TSHZ2: variants seen among roughly 807,000 people sequenced by gnomAD.
TSHZ2 encodes the protein teashirt homolog 2.
In TSHZ2, 21 loss-of-function variants were observed where a neutral mutation model predicts 74.4. The ratio of observed to expected loss-of-function variants is 0.28; its 90% CI spans 0.20 to 0.41. The LOEUF (loss-of-function observed/expected upper bound fraction) is 0.41. Ranked by LOEUF, TSHZ2 falls within the 10% of genes least tolerant of loss-of-function variation. TSHZ2 has a pLI of 1.00. For synonymous variants in TSHZ2, 540 were observed against 515.3 expected, an observed-to-expected ratio of 1.05 and a Z score of -0.65; for missense variants, 1,244 against 1,293.5, an observed-to-expected ratio of 0.96 and a Z score of 0.59.
chr20:53,284,233 G>T (rs1309591778), intron 2 of TSHZ2, among the ~76,000 whole-genome samples: 1 of 152,124 alleles, frequency 6.6e-6, no homozygotes, highest in Non-Finnish European at 1.5e-5. Flanking sequence ...TCTTAGTTAC[G>T]CACGCCCATC....
chr20:53,008,833 C>T (rs907325894), intron 1 of TSHZ2, among the ~76,000 whole-genome samples: 4 of 152,066 alleles, frequency 2.6e-5, no homozygotes, highest in Non-Finnish European at 2.9e-5. Flanking sequence ...CATACCAAGT[C>T]TTATACATAT....
intron 2 of TSHZ2, among the ~76,000 whole-genome samples, chr20:53,451,377 G>A (rs1319150731): frequency 6.6e-6 from 1 of 152,158 alleles, no homozygotes; most frequent in African/African-American, 2.4e-5. Context: ...CTGGACTAAA[G>A]CAATAATTAT....
chr20:53,141,588 T>C (rs1170921006), intron 1 of TSHZ2, among the ~76,000 whole-genome samples: 1 of 152,224 alleles, frequency 6.6e-6, no homozygotes, highest in Non-Finnish European at 1.5e-5. Context: ...GACAGTTTCA[T>C]ATTTAACTGT....
chr20:53,446,639 C>T (rs1029587669), intron 2 of TSHZ2, among the ~76,000 whole-genome samples: 14 of 151,712 alleles, frequency 9.2e-5, no homozygotes, highest in Admixed American at 3.9e-4. Flanking sequence ...CTCTTCTCTA[C>T]TTCCTCCTTT....
chr20:53,321,697 A>AAAGAAAG lies in TSHZ2; in HGVS notation c.*8+65128_*8+65129insGAAAGAA, dbSNP rs1045781417. Among the ~76,000 whole-genome samples, 92 of 140,550 alleles carry AAAGAAAG rather than the reference A, an allele frequency of 6.5e-4. 1 individual carries two copies. Among genetic ancestry groups the AAAGAAAG allele is most frequent in the Admixed American group, 3.4e-3 (45 of 13,430 alleles). 92.2% of individuals were successfully genotyped at this position (140,550 alleles called of 152,430 possible). ...AGACTCCATCTCAAAAAAAAAAAAAAAAAGAAAGACATTCCTAAGCCAGCA... is the reference window on the plus strand; with the variant it reads ...AGACTCCATCTCAAAAAAAAAAAAAAAAGAAAGAAAGAAAGACATTCCTAAGCCAGCA... On this transcript the variant is annotated intron_variant, in intron 2 of 2. Transcript: ENST00000371497.
chr20:53,053,832 T>C (rs2123141802), intron 1 of TSHZ2, among the ~76,000 whole-genome samples: 1 of 152,314 alleles, frequency 6.6e-6, no homozygotes, highest in South Asian at 2.1e-4. Flanking sequence ...AGTGGCAAGT[T>C]TATCACTCCA....
chr20:52,996,354 A>ATTTATTTATTT (rs1568710882), intron 1 of TSHZ2, among the ~76,000 whole-genome samples: 1 of 130,268 alleles, frequency 7.7e-6, no homozygotes, highest in East Asian at 2.6e-4. Flanking sequence ...TTTATTTATT[A>ATTTATTTATTT]GGCAAAATGG....
chr20:53,058,242 CTGGTAT>C (rs1568740013), intron 1 of TSHZ2, among the ~76,000 whole-genome samples: 1 of 152,150 alleles, frequency 6.6e-6, no homozygotes, highest in African/African-American at 2.4e-5. Context: ...CAGTCTCGTA[CTGGTAT>C]GGGTCTGTAG....
At chr20:53,133,148 G>A (rs1049029501) in intron 1 of TSHZ2, among the ~76,000 whole-genome samples, 1 of 152,082 alleles carries the variant, frequency 6.6e-6, no homozygotes, top group African/African-American at 2.4e-5. Flanking sequence ...TCTTTGACAC[G>A]TTAGACTCCA....
At chr20:53,036,375 T>C (rs1380606401) in intron 1 of TSHZ2, among the ~76,000 whole-genome samples, 1 of 152,078 alleles carries the variant, frequency 6.6e-6, no homozygotes, top group South Asian at 2.1e-4. Flanking sequence ...ATTATTCATA[T>C]TATAACAGGA....
intron 2 of TSHZ2, among the ~76,000 whole-genome samples, chr20:53,406,700 T>A (rs534022606): frequency 3.1e-4 from 47 of 152,182 alleles, no homozygotes; most frequent in African/African-American, 1.1e-3. Flanking sequence ...AGGCAACATC[T>A]TCTTCTTATG....
chr20:52,977,440 ACACACAC>A (rs1291895737), intron 1 of TSHZ2, among the ~76,000 whole-genome samples: 8 of 133,878 alleles, frequency 6.0e-5, no homozygotes, highest in African/African-American at 2.1e-4. Context: ...ACACACACAC[ACACACAC>A]ACACACACAC....
rs143423768 is a variant in TSHZ2, at chr20:53,022,462, C to T, written c.40+49129C>T. Among the ~76,000 whole-genome samples the T allele has an allele frequency of 1.7e-3, 266 of 152,230 alleles. 1 individual carries two copies. Among genetic ancestry groups the T allele is most frequent in the African/African-American group, 5.9e-3 (245 of 41,538 alleles). On this transcript the variant is annotated intron_variant, in intron 1 of 2. Coordinates refer to ENST00000371497, the MANE Select transcript of TSHZ2 (RefSeq NM_173485.6). ...TCTATCAATATTTGATCAAATTGGG[C>T]CAAAGTTTCAAACTGCCCTTAAATT...
chr20:53,389,729 G>A (rs1218238308), intron 2 of TSHZ2, among the ~76,000 whole-genome samples: 1 of 152,188 alleles, frequency 6.6e-6, no homozygotes, highest in African/African-American at 2.4e-5. Context: ...TGGCCCCCAG[G>A]GGACATTTGG....
intron 1 of TSHZ2, among the ~76,000 whole-genome samples, chr20:53,218,056 G>C (rs1989475460): frequency 6.6e-6 from 1 of 152,210 alleles, no homozygotes; most frequent in Non-Finnish European, 1.5e-5. Flanking sequence ...GAGTGAGAAA[G>C]CCGAGGCTCC....
intron 2 of TSHZ2, among the ~76,000 whole-genome samples, chr20:53,323,517 A>G (rs2145528402): frequency 8.0e-6 from 1 of 125,610 alleles, no homozygotes; most frequent in East Asian, 2.6e-4. Context: ...AGTTCTAAGG[A>G]TTCTTTCTTC....
At position 53,387,277 on chromosome 20, in the gene TSHZ2, A is replaced by G. The variant is rs6097387; in HGVS notation, c.*9-99867A>G. Among the ~76,000 whole-genome samples, 205 of 152,336 alleles carry G rather than the reference A, an allele frequency of 1.3e-3. 1 individual carries two copies. Among genetic ancestry groups the G allele is most frequent in the African/African-American group, 4.8e-3 (198 of 41,586 alleles). ...GTGGTCTAAAAAGCAGTGCCTCCCT[A>G]GAAGAAATGCCACTGGAAGTTTCTT... On this transcript the variant is annotated intron_variant, in intron 2 of 2. Transcript: ENST00000371497.
intron 2 of TSHZ2, among the ~76,000 whole-genome samples, chr20:53,418,631 A>G (rs1455865517): frequency 6.6e-6 from 1 of 152,044 alleles, no homozygotes; most frequent in East Asian, 1.9e-4. Context: ...CCATGATCCA[A>G]TTACCACCCC....
At chr20:53,249,982 G>T (rs1990289590) in intron 1 of TSHZ2, among the ~76,000 whole-genome samples, 1 of 152,182 alleles carries the variant, frequency 6.6e-6, no homozygotes. Context: ...GGCTAGAGCA[G>T]TGGCCATGGA....
Sources: allele counts gnomAD v4.1 joint callset (sites outside exome capture counted in the v4.1 genomes callset), GRCh38; gene constraint gnomAD v4.1.1; transcripts MANE v1.5; gene names NCBI Gene and HGNC (gene_info 2026-07-23, HGNC 2026-07-21).